The following SPON1 variants were observed in gnomAD, a reference collection of about 807,000 sequenced individuals.
SPON1 encodes the protein spondin 1.
A neutral mutation model predicts 111.7 loss-of-function variants in SPON1; 52 were observed. The observed-to-expected ratio is 0.47, with a 90% confidence interval of 0.37 to 0.59. SPON1 has a LOEUF of 0.59. SPON1 is among the 20% of genes least tolerant of loss of function. SPON1 has a pLI of 0.00. For synonymous variants in SPON1, 410 were observed against 395.8 expected, an observed-to-expected ratio of 1.04 and a Z score of -0.43; for missense variants, 957 against 1,068.5, an observed-to-expected ratio of 0.90 and a Z score of 1.46.
intron 5 of SPON1, among the ~76,000 whole-genome samples, chr11:14,116,950 G>T (rs1180580357): frequency 2.0e-5 from 3 of 151,940 alleles, no homozygotes; most frequent in African/African-American, 7.3e-5. Context: ...TTATTCCTGG[G>T]TATTATATGT....
At chr11:14,012,249 T>G (rs192327435) in intron 2 of SPON1, among the ~76,000 whole-genome samples, 1 of 152,262 alleles carries the variant, frequency 6.6e-6, no homozygotes, top group African/African-American at 2.4e-5. Context: ...CAAAAGTGAT[T>G]GCAGCTCCAG....
At position 14,262,720 on chromosome 11, in the gene SPON1, T is replaced by C; in HGVS notation, c.2005T>C (p.Cys669Arg). Residue 669 changes from cysteine to arginine, a missense_variant, in exon 15 of 16, where the codon TGT becomes CGT. By Grantham distance (180) the Cys-to-Arg change is radical. Transcript: ENST00000576479. ...CATCTGTGTCTTGCCAGCCATTGAC[T>C]GTGAGCTCACCGAGTGGTCCCAGTG... ...KCMLPECPID[C>R]ELTEWSQWSE... 1 of 1,613,982 alleles carries C rather than the reference T, an allele frequency of 6.2e-7. No individual in the cohort carries two copies. Among genetic ancestry groups the C allele is most frequent in the African/African-American group, 1.3e-5 (1 of 75,034 alleles).
chr11:14,065,874 G>A (rs1848828831), intron 3 of SPON1, among the ~76,000 whole-genome samples: 1 of 152,182 alleles, frequency 6.6e-6, no homozygotes. Flanking sequence ...ATAAGCCTTG[G>A]CCAGATCCTC....
chr11:14,179,253 G>C (rs754198600), intron 6 of SPON1, among the ~76,000 whole-genome samples: 86 of 152,160 alleles, frequency 5.7e-4, no homozygotes, highest in Non-Finnish European at 8.1e-4. Flanking sequence ...CATTGAGCGG[G>C]TTAAGATATG....
intron 2 of SPON1, among the ~76,000 whole-genome samples, chr11:14,006,563 G>A (rs1554913154): frequency 6.6e-6 from 1 of 152,120 alleles, no homozygotes; most frequent in Non-Finnish European, 1.5e-5. Context: ...GGACTCTGAG[G>A]CTTTTTGCTT....
At chr11:14,189,631 T>C (rs1396968959) in intron 6 of SPON1, among the ~76,000 whole-genome samples, 2 of 152,190 alleles carry the variant, frequency 1.3e-5, no homozygotes, top group African/African-American at 2.4e-5. Flanking sequence ...TTCCCGATTG[T>C]CTCCAACGCA....
rs118102517 is a variant in SPON1, at chr11:14,108,294, A to G, written c.677-27126A>G. Among the ~76,000 whole-genome samples, 1,121 of 152,234 alleles carry G rather than the reference A, an allele frequency of 7.4e-3. 8 individuals carry two copies. Among genetic ancestry groups the G allele is most frequent in the Non-Finnish European group, 0.011 (720 of 67,958 alleles). On this transcript the variant is annotated intron_variant, in intron 5 of 15. Coordinates refer to ENST00000576479, the MANE Select transcript of SPON1 (RefSeq NM_006108.4). ...ACCAACAGCAAGGACTGTGTTAGCT[A>G]TGGCTATAATGTGCTTATTTCTAGC...
chr11:14,070,379 G>T (rs1848865836), intron 3 of SPON1, among the ~76,000 whole-genome samples: 1 of 152,172 alleles, frequency 6.6e-6, no homozygotes, highest in South Asian at 2.1e-4. Flanking sequence ...GTCTCTGTCT[G>T]AAGCAGCTGA....
chr11:14,248,516 CACCCAAA>C (rs1258358915), intron 7 of SPON1, among the ~76,000 whole-genome samples: 37 of 152,252 alleles, frequency 2.4e-4, no homozygotes, highest in Admixed American at 6.5e-4. Flanking sequence ...ACCTCCCAAA[CACCCAAA>C]ACCTCTGCAC....
chr11:14,253,380 C>G (rs1849072602), intron 7 of SPON1, among the ~76,000 whole-genome samples: 1 of 152,210 alleles, frequency 6.6e-6, no homozygotes, highest in Admixed American at 6.5e-5. Context: ...TTCACAGGAA[C>G]CCTTTGGAGT....
chr11:14,184,807 C>T (rs942322272), intron 6 of SPON1, among the ~76,000 whole-genome samples: 3 of 152,166 alleles, frequency 2.0e-5, no homozygotes, highest in Non-Finnish European at 4.4e-5. Context: ...AAACAACAGG[C>T]CTATTTGCCC....
intron 6 of SPON1, among the ~76,000 whole-genome samples, chr11:14,178,544 T>G (rs2133886145): frequency 6.6e-6 from 1 of 152,364 alleles, no homozygotes; most frequent in East Asian, 1.9e-4. Context: ...GCCTGCCTTT[T>G]TTTATTCCTT....
intron 2 of SPON1, among the ~76,000 whole-genome samples, chr11:14,032,387 T>A (rs1319582859): frequency 6.6e-6 from 1 of 152,230 alleles, no homozygotes; most frequent in Non-Finnish European, 1.5e-5. Flanking sequence ...GAAGCTTATT[T>A]GTTTCCCCTC....
intron 6 of SPON1, among the ~76,000 whole-genome samples, chr11:14,204,015 A>G (rs1267949689): frequency 1.3e-5 from 2 of 152,184 alleles, no homozygotes; most frequent in African/African-American, 4.8e-5. Flanking sequence ...TATTTTTGCT[A>G]TTACTACCAA....
chr11:14,197,731 G>A (rs1052144105), intron 6 of SPON1, among the ~76,000 whole-genome samples: 5 of 151,780 alleles, frequency 3.3e-5, no homozygotes, highest in Non-Finnish European at 5.9e-5. Context: ...CAGGAGAATC[G>A]CTTGAACCTG....
At chr11:14,165,401 AC>A (rs1210781670) in intron 6 of SPON1, among the ~76,000 whole-genome samples, 14 of 152,130 alleles carry the variant, frequency 9.2e-5, no homozygotes, top group African/African-American at 3.1e-4. Flanking sequence ...AATGGGAGTG[AC>A]CCCCAAGGTG....
intron 6 of SPON1, among the ~76,000 whole-genome samples, chr11:14,220,236 T>G (rs1554937476): frequency 1.3e-5 from 2 of 152,180 alleles, no homozygotes; most frequent in African/African-American, 4.8e-5. Flanking sequence ...AGCCAGTTCC[T>G]CTGGTTGAAC....
chr11:14,046,150 G>A (rs1484678505), intron 3 of SPON1, among the ~76,000 whole-genome samples: 1 of 152,090 alleles, frequency 6.6e-6, no homozygotes, highest in Non-Finnish European at 1.5e-5. Flanking sequence ...ATACAAGGAG[G>A]GCCTGAAGAA....
chr11:13,982,746 A>T, intron 1 of SPON1, 101 bp from the exon 2 acceptor site: 2 of 789,542 alleles, frequency 2.5e-6, no homozygotes, highest in Non-Finnish European at 4.2e-6. Context: ...TCTGTAACTC[A>T]CAGGTCTGGG....
Sources: gnomAD v4.1 joint callset for allele counts (sites outside exome capture counted in the v4.1 genomes callset) on GRCh38, gnomAD v4.1.1 for gene constraint, MANE v1.5 for transcripts, NCBI Gene and HGNC (gene_info 2026-07-23, HGNC 2026-07-21) for gene names.